Variants in FOXP1 observed in about 807,000 individuals in gnomAD.
The protein encoded by FOXP1 is forkhead box protein P1.
FOXP1 carries 15 observed loss-of-function variants against 98.2 expected under a neutral mutation model. The observed-to-expected ratio is 0.15, with a 90% CI of 0.10 to 0.24. The LOEUF (loss-of-function observed/expected upper bound fraction) is 0.24, where lower values mean the gene tolerates loss of function less well. FOXP1 is among the 10% of genes least tolerant of loss of function. The pLI is 1.00. For synonymous variants in FOXP1, 371 were observed against 314.5 expected (o/e 1.18, Z -1.90); for missense variants, 633 against 848.5 (o/e 0.75, Z 3.15).
intron 4 of FOXP1, among the ~76,000 whole-genome samples, chr3:71,328,162 A>G (rs1430639157): frequency 6.6e-6 from 1 of 152,152 alleles, no homozygotes; most frequent in Non-Finnish European, 1.5e-5. Context: ...CAGGCTGGGC[A>G]CTCATGCCTG....
At chr3:71,583,947 G>T (rs1247903019), upstream of FOXP1, 11 of 983,910 alleles carry the variant, frequency 1.1e-5, no homozygotes. Flanking sequence ...AGCGGGAGCG[G>T]CTCCCTCTTT....
At chr3:71,031,021 GGA>G (rs1222752030) in intron 11 of FOXP1, among the ~76,000 whole-genome samples, 1 of 152,104 alleles carries the variant, frequency 6.6e-6, no homozygotes, top group Non-Finnish European at 1.5e-5. Context: ...TGATTTCGGT[GGA>G]GTGTTCGCTT....
At chr3:71,427,901 A>G (rs978255055) in intron 3 of FOXP1, among the ~76,000 whole-genome samples, 3 of 151,878 alleles carry the variant, frequency 2.0e-5, no homozygotes, top group African/African-American at 7.3e-5. Flanking sequence ...GATCTGAATG[A>G]AGGTCAGGGG....
chr3:71,113,497 G>A (rs1485139147), intron 6 of FOXP1, among the ~76,000 whole-genome samples: 4 of 152,066 alleles, frequency 2.6e-5, no homozygotes, highest in Non-Finnish European at 5.9e-5. Context: ...TTGGGAGACC[G>A]AGGTCAGGAG....
At chr3:71,230,730 CAAGAG>C (rs1560153268) in intron 5 of FOXP1, among the ~76,000 whole-genome samples, 1 of 152,044 alleles carries the variant, frequency 6.6e-6, no homozygotes, top group African/African-American at 2.4e-5. Context: ...TGGGAAGAGC[CAAGAG>C]AAAACTCTAC....
At chr3:71,027,136 A>G (rs1171123564) in intron 11 of FOXP1, among the ~76,000 whole-genome samples, 3 of 152,144 alleles carry the variant, frequency 2.0e-5, no homozygotes, top group Non-Finnish European at 2.9e-5. Context: ...AAAGTTATTA[A>G]CACCATTAGG....
In FOXP1 at chr3:71,475,819, G is replaced by A. The variant is rs541697299; in HGVS notation, c.-168+17607C>T. Among the ~76,000 whole-genome samples the A allele has an allele frequency of 1.7e-3, 251 of 151,002 alleles. 2 individuals carry two copies. The highest frequency in any genetic ancestry group is 5.8e-3 in the African/African-American group (238 of 41,080). ...ATTGTGCCACTGCACTCTAGCCTGG[G>A]AGAAAGAACAAGACTCCACCTCAAA... On this transcript the variant is annotated intron_variant, in intron 3 of 20. Coordinates refer to ENST00000649528, the MANE Select transcript of FOXP1 (RefSeq NM_001349338.3).
At chr3:71,046,206 C>T (rs2049016599) in intron 10 of FOXP1, among the ~76,000 whole-genome samples, 1 of 152,134 alleles carries the variant, frequency 6.6e-6, no homozygotes, top group South Asian at 2.1e-4. Flanking sequence ...AAGAGGATGT[C>T]CTAAAAACAC....
chr3:71,301,805 C>T (rs1001722222), intron 4 of FOXP1, among the ~76,000 whole-genome samples: 32 of 152,154 alleles, frequency 2.1e-4, no homozygotes, highest in African/African-American at 7.5e-4. Context: ...CAGGTAAACA[C>T]TAGACCTGTT....
chr3:71,147,030 T>C (rs945068760), intron 6 of FOXP1, among the ~76,000 whole-genome samples: 6 of 152,228 alleles, frequency 3.9e-5, no homozygotes, highest in Non-Finnish European at 8.8e-5. Context: ...AAGTTCAAAC[T>C]AGCATTTACT....
At chr3:71,003,497 A>C (rs1179462124) in intron 12 of FOXP1, among the ~76,000 whole-genome samples, 2 of 152,130 alleles carry the variant, frequency 1.3e-5, no homozygotes, top group Non-Finnish European at 2.9e-5. Context: ...AGCCAGAAGG[A>C]AGGCAAAGGA....
intron 3 of FOXP1, among the ~76,000 whole-genome samples, chr3:71,409,258 C>T (rs1560443611): frequency 6.6e-6 from 1 of 151,988 alleles, no homozygotes; most frequent in Non-Finnish European, 1.5e-5. Flanking sequence ...TCCTCCATAC[C>T]ACTTACCACC....
intron 2 of FOXP1, among the ~76,000 whole-genome samples, chr3:71,514,161 CT>C (rs1301731277): frequency 1.3e-5 from 2 of 152,224 alleles, no homozygotes; most frequent in Admixed American, 1.3e-4. Flanking sequence ...GTCCACTCCT[CT>C]TGGCCACAGC....
chr3:71,365,710 T>C (rs1016781042), intron 3 of FOXP1, among the ~76,000 whole-genome samples: 1 of 152,100 alleles, frequency 6.6e-6, no homozygotes, highest in Non-Finnish European at 1.5e-5. Context: ...TCCGGCTGGG[T>C]GCGGTGGCTC....
At chr3:71,064,630 C>T (rs1047212520) in intron 7 of FOXP1, among the ~76,000 whole-genome samples, 3 of 152,128 alleles carry the variant, frequency 2.0e-5, no homozygotes, top group African/African-American at 7.2e-5. Context: ...CCTCCACTCC[C>T]TCCCCGCCTC....
At chr3:71,564,219 A>G (rs533737684) in intron 2 of FOXP1, among the ~76,000 whole-genome samples, 1 of 152,324 alleles carries the variant, frequency 6.6e-6, no homozygotes, top group South Asian at 2.1e-4. Context: ...CCACATATAC[A>G]AGGTAGGCTT....
chr3:71,256,846 G>A (rs1268013927), intron 5 of FOXP1, among the ~76,000 whole-genome samples: 1 of 152,182 alleles, frequency 6.6e-6, no homozygotes, highest in Non-Finnish European at 1.5e-5. Context: ...ACAGAAACAT[G>A]TTTGAGGAGT....
chr3:71,363,387 T>C (rs2078704515), intron 3 of FOXP1, among the ~76,000 whole-genome samples: 1 of 152,240 alleles, frequency 6.6e-6, no homozygotes, highest in Admixed American at 6.5e-5. Flanking sequence ...AAAATGTCAC[T>C]GCATGCAACA....
At chr3:70,966,273 A>G (rs1479639464) in intron 19 of FOXP1, 9 of 576,908 alleles carry the variant, frequency 1.6e-5, no homozygotes. Flanking sequence ...GCCAGGGGGG[A>G]CCAAGTGCCT....
Sources: gnomAD v4.1 joint callset for allele counts (sites outside exome capture counted in the v4.1 genomes callset) on GRCh38, gnomAD v4.1.1 for gene constraint, MANE v1.5 for transcripts, NCBI Gene and HGNC (gene_info 2026-07-23, HGNC 2026-07-21) for gene names.